The following LYPLA1 variants were observed in gnomAD, a reference collection of about 807,000 sequenced individuals.
LYPLA1 encodes lysophospholipase 1.
Under a neutral mutation model 34.0 loss-of-function variants are expected in LYPLA1, and 17 were observed. That is an observed-to-expected ratio of 0.50 (90% CI 0.34 to 0.75). The LOEUF is 0.75. LYPLA1 is among the 30% of genes least tolerant of loss of function. The pLI is 0.01. For missense variants in LYPLA1, 203 were observed against 288.8 expected, an observed-to-expected ratio of 0.70 and a Z score of 2.15; for synonymous variants, 98 against 100.8, an observed-to-expected ratio of 0.97 and a Z score of 0.17.
At chr8:54,074,140 G>T (rs1040671154) in intron 2 of LYPLA1, among the ~76,000 whole-genome samples, 1 of 152,176 alleles carries the variant, frequency 6.6e-6, no homozygotes, top group African/African-American at 2.4e-5. Flanking sequence ...TGGGTGTGGT[G>T]GCGGGAGCCT....
chr8:54,065,656 C>T (rs1807008530), intron 3 of LYPLA1, 92 bp downstream of exon 3: 2 of 804,932 alleles, frequency 2.5e-6, no homozygotes, highest in African/African-American at 1.7e-5. Context: ...TAAAAATTAA[C>T]TGTATTCAAA....
At chr8:54,079,228 C>T (rs894927795) in intron 2 of LYPLA1, among the ~76,000 whole-genome samples, 2 of 152,284 alleles carry the variant, frequency 1.3e-5, no homozygotes, top group East Asian at 3.9e-4. Flanking sequence ...GATCCACCTA[C>T]ATCAGCCTCC....
chr8:54,096,817 C>A (rs1403956661), intron 2 of LYPLA1, among the ~76,000 whole-genome samples: 2 of 151,484 alleles, frequency 1.3e-5, no homozygotes, highest in East Asian at 3.9e-4. Flanking sequence ...GCTGAGGCAG[C>A]AGAACTGCTT....
intron 2 of LYPLA1, among the ~76,000 whole-genome samples, chr8:54,074,929 CCAACTT>C (rs1433132421): frequency 6.6e-6 from 1 of 152,182 alleles, no homozygotes; most frequent in African/African-American, 2.4e-5. Context: ...GATGGGCATT[CCAACTT>C]CTATTAAAAC....
chr8:54,092,069 C>T (rs766500301), intron 2 of LYPLA1, among the ~76,000 whole-genome samples: 1 of 150,170 alleles, frequency 6.7e-6, no homozygotes, highest in Non-Finnish European at 1.5e-5. Context: ...GAGACCCTGT[C>T]GAAGCAAGGA....
At chr8:54,100,999 C>G in intron 1 of LYPLA1, 60 bp from the exon 2 acceptor site, 1 of 1,369,136 alleles carries the variant, frequency 7.3e-7, no homozygotes. Context: ...AGGATTGTTA[C>G]ACACTAGCTT....
At chr8:54,059,299 G>GTTTTTTTTTT (rs573966934) in intron 5 of LYPLA1, among the ~76,000 whole-genome samples, 1 of 112,744 alleles carries the variant, frequency 8.9e-6, no homozygotes, top group Admixed American at 8.5e-5. Context: ...TATTTTCCCT[G>GTTTTTTTTTT]TTTTTTTTTT....
At chr8:54,100,705 A>C in intron 2 of LYPLA1, 1 of 574,078 alleles carries the variant, frequency 1.7e-6, no homozygotes, top group South Asian at 2.1e-5. Flanking sequence ...CAGAAACCAG[A>C]GTTAAAAAAT....
intron 2 of LYPLA1, among the ~76,000 whole-genome samples, chr8:54,085,803 G>C (rs1197937157): frequency 9.2e-6 from 1 of 108,828 alleles, no homozygotes; most frequent in East Asian, 5.0e-4. Flanking sequence ...CCCCGTCCGC[G>C]AGGTGGGGGG....
At position 54,046,384 on chromosome 8, in the gene LYPLA1, T is replaced by A. The variant is rs534005903; in HGVS notation, c.*1681A>T. 6.5e-6 allele frequency: 1 copy of A among 152,760 alleles called. No individual in the cohort carries two copies. Among genetic ancestry groups the A allele is most frequent in the East Asian group, 1.9e-4 (1 of 5,190 alleles). 9.5% of individuals were successfully genotyped at this position (152,760 alleles called of 1,614,324 possible). On this transcript the variant is annotated 3_prime_UTR_variant, in exon 9 of 9. Coordinates refer to ENST00000316963, the MANE Select transcript of LYPLA1 (RefSeq NM_006330.4). ...ACTCAAAGTCACAGAAAAGTCAGAATTAAATTTTATTTCACATTGATAGAA... is the reference window on the plus strand; with the variant it reads ...ACTCAAAGTCACAGAAAAGTCAGAAATAAATTTTATTTCACATTGATAGAA...
chr8:54,096,208 A>C (rs780779256), intron 2 of LYPLA1, among the ~76,000 whole-genome samples: 12 of 152,254 alleles, frequency 7.9e-5, no homozygotes, highest in Non-Finnish European at 1.6e-4. Context: ...AGGAGCTATA[A>C]ATGTTATTTC....
chr8:54,090,656 C>A (rs557445897), intron 2 of LYPLA1, among the ~76,000 whole-genome samples: 41 of 152,232 alleles, frequency 2.7e-4, no homozygotes, highest in African/African-American at 8.4e-4. Flanking sequence ...AGACAGTGAC[C>A]CCCCTGGACC....
At chr8:54,048,157 G>A (rs760960813) in intron 8 of LYPLA1, 39 bp from the exon 9 acceptor site, 2 of 1,313,572 alleles carry the variant, frequency 1.5e-6, no homozygotes, top group Non-Finnish European at 2.2e-6. Flanking sequence ...AGGTAGTTAT[G>A]TAAGTCAGAA....
At chr8:54,043,625 T>C (rs1805422654), downstream of LYPLA1, among the ~76,000 whole-genome samples, 1 of 152,000 alleles carries the variant, frequency 6.6e-6, no homozygotes, top group Non-Finnish European at 1.5e-5. Flanking sequence ...TGTAGTGCAA[T>C]GGTGCAAAAT....
At chr8:54,089,790 A>AT (rs1024929596) in intron 2 of LYPLA1, among the ~76,000 whole-genome samples, 1 of 152,042 alleles carries the variant, frequency 6.6e-6, no homozygotes, top group Non-Finnish European at 1.5e-5. Context: ...TGGCTGGCCA[A>AT]TTTTTTGTAT....
At chr8:54,049,104 A>C (rs1315580808) in intron 8 of LYPLA1, among the ~76,000 whole-genome samples, 1 of 152,204 alleles carries the variant, frequency 6.6e-6, no homozygotes, top group African/African-American at 2.4e-5. Context: ...CAGTAGGAGA[A>C]CACCCTAGGT....
At chr8:54,100,764 T>C (rs749899859) in intron 2 of LYPLA1, 144 bp downstream of exon 2, 8 of 669,882 alleles carry the variant, frequency 1.2e-5, no homozygotes, top group Admixed American at 9.5e-5. Context: ...TTTCAAAACA[T>C]AAAATCACCG....
chr8:54,082,097 C>T (rs1808368597), intron 2 of LYPLA1, among the ~76,000 whole-genome samples: 1 of 152,166 alleles, frequency 6.6e-6, no homozygotes. Flanking sequence ...ACTGTATCCT[C>T]AACGAAACTG....
At chr8:54,062,702 G>A (rs1446054888) in intron 4 of LYPLA1, among the ~76,000 whole-genome samples, 1 of 152,016 alleles carries the variant, frequency 6.6e-6, no homozygotes, top group East Asian at 1.9e-4. Context: ...AGTAGACATG[G>A]GGTTTCACTG....
Sources: allele counts gnomAD v4.1 joint callset (sites outside exome capture counted in the v4.1 genomes callset), GRCh38; gene constraint gnomAD v4.1.1; transcripts MANE v1.5; gene names NCBI Gene and HGNC (gene_info 2026-07-23, HGNC 2026-07-21).